The following UBE3C variants were observed in gnomAD, a reference collection of about 807,000 sequenced individuals.
The protein encoded by UBE3C is ubiquitin protein ligase E3C.
Under a neutral mutation model 129.4 loss-of-function variants are expected in UBE3C, and 42 were observed. The observed-to-expected ratio is 0.32, with a 90% CI of 0.25 to 0.42. The LOEUF is 0.42. UBE3C is among the 10% of genes least tolerant of loss of function. UBE3C has a pLI of 1.00. For synonymous variants in UBE3C, 510 were observed against 492.4 expected, an observed-to-expected ratio of 1.04 and a Z score of -0.47; for missense variants, 1,049 against 1,319.1, an observed-to-expected ratio of 0.80 and a Z score of 3.17.
chr7:157,164,447 G>A (rs756550636), intron 2 of UBE3C: 38 of 456,522 alleles, frequency 8.3e-5, no homozygotes, highest in Non-Finnish European at 1.5e-4. Context: ...GAACTGCCTC[G>A]TCTGGCTGAT....
rs77093841 is a variant in UBE3C at position 157,226,813 on chromosome 7, A to C, written c.2233+1274A>C. Among the ~76,000 whole-genome samples the C allele has an allele frequency of 6.3e-3, 955 of 151,314 alleles. 5 individuals carry two copies. The highest frequency in any genetic ancestry group is 0.011 in the Non-Finnish European group (741 of 67,942). Reference sequence around the variant, plus strand: ...TCATCAGCTGAGACCGAGTAAACTTAGGTCTGCATGCAGGCTGTGGCCTCT... The same window carrying C: ...TCATCAGCTGAGACCGAGTAAACTTCGGTCTGCATGCAGGCTGTGGCCTCT... On this transcript the variant is annotated intron_variant, in intron 17 of 22. Transcript: ENST00000348165.
chr7:157,164,247 C>T (rs906375016), intron 2 of UBE3C, among the ~76,000 whole-genome samples: 1 of 151,992 alleles, frequency 6.6e-6, no homozygotes, highest in African/African-American at 2.4e-5. Flanking sequence ...GTAGCCTTGA[C>T]CTCCTGGGCT....
chr7:157,242,864 G>A (rs998574984), intron 18 of UBE3C, among the ~76,000 whole-genome samples: 1 of 152,108 alleles, frequency 6.6e-6, no homozygotes, highest in Non-Finnish European at 1.5e-5. Context: ...AGACCAGCCT[G>A]ACCAACATGG....
At chr7:157,261,311 A>G (rs982056969) in intron 22 of UBE3C, among the ~76,000 whole-genome samples, 955 of 58,486 alleles carry the variant, frequency 0.016, 33 homozygotes, top group Middle Eastern at 0.042. Context: ...TGTCTGAAAA[A>G]AAAAAAAAAA....
At chr7:157,175,266 T>C (rs1016942155) in intron 5 of UBE3C, among the ~76,000 whole-genome samples, 1 of 151,822 alleles carries the variant, frequency 6.6e-6, no homozygotes, top group East Asian at 1.9e-4. Flanking sequence ...GACTTTTTCT[T>C]TCACGGATGC....
At chr7:157,260,323 C>T (rs961779657) in intron 22 of UBE3C, among the ~76,000 whole-genome samples, 37 of 152,194 alleles carry the variant, frequency 2.4e-4, no homozygotes, top group Non-Finnish European at 4.3e-4. Context: ...ACGCTGCCGC[C>T]TACAAGCAAC....
Position 157,231,096 on chromosome 7 carries a change from G to C in UBE3C, c.2250G>C (p.Lys750Asn). Residue 750 changes from lysine (K) to asparagine (N), a missense_variant, in exon 18 of 23, where the codon AAG becomes AAC. Physicochemically the swap from Lys to Asn is moderately conservative, Grantham distance 94. Coordinates refer to ENST00000348165, the MANE Select transcript of UBE3C (RefSeq NM_014671.3). ...TTTTAACAGAGCCTGATTTGAAAAA[G>C]CGGATCCGTGTGCACTTGCTCAATG... Reference protein sequence around the residue: ...LSPENEPDLKKRIRVHLLNAH... With the variant: ...LSPENEPDLKNRIRVHLLNAH... The C allele has an allele frequency of 6.2e-7, 1 of 1,613,330 alleles. No individual in the cohort carries two copies.
rs753765446 is a variant in UBE3C at position 157,187,000 on chromosome 7, G to A, written c.1310G>A (p.Arg437His). 3.7e-6 allele frequency: 6 copies of A among 1,606,746 alleles called. No individual in the cohort carries two copies. In the African/African-American group the frequency reaches 4.0e-5, roughly 11 times the overall value. The part of the protein sequence containing the change: ...SVCHTLMVQH[R>H]MMVPKVRLLY... ...TGCCACACGCTGATGGTGCAGCACC[G>A]CATGATGGTACCCAAAGTCAGGCAA... Residue 437 changes from arginine (R) to histidine (H), a missense_variant, in exon 10 of 23, where the codon CGC (arginine) becomes CAC (histidine). Coordinates refer to ENST00000348165, the MANE Select transcript of UBE3C (RefSeq NM_014671.3).
At position 157,170,358 on chromosome 7, in the gene UBE3C, G is replaced by A. The variant is rs140532774; in HGVS notation, c.250G>A (p.Gly84Ser). 5.1e-6 allele frequency: 8 copies of A among 1,576,514 alleles called. No individual in the cohort carries two copies. The African/African-American group carries it at 1.1e-4, about 22-fold the overall frequency. The change falls in exon 4 of 23, where the codon GGC becomes AGC. Residue 84 changes from glycine (G) to serine (S), a missense_variant. This residue lies in a region of UBE3C where 489 missense variants were observed against 513.8 expected (regional missense o/e 0.95). Transcript: ENST00000348165. The stretch of plus-strand genomic sequence containing the variant: ...CTGTGCTACCTTGTCACAGTCCGGG[G>A]GCGCTTTTCCCATTGCTAATGGCCC... ...DRCATLSQSGGAFPIANGPNL... is the reference protein window; with the variant it reads ...DRCATLSQSGSAFPIANGPNL...
intron 19 of UBE3C, among the ~76,000 whole-genome samples, 190 bp from the exon 20 acceptor site, chr7:157,253,764 C>T (rs994922761): frequency 1.3e-5 from 2 of 152,134 alleles, no homozygotes; most frequent in African/African-American, 4.8e-5. Flanking sequence ...TGCTGGGCTT[C>T]GGAGACTCTT....
intron 1 of UBE3C, among the ~76,000 whole-genome samples, chr7:157,155,205 A>T (rs1030079571): frequency 6.6e-6 from 1 of 152,116 alleles, no homozygotes; most frequent in African/African-American, 2.4e-5. Flanking sequence ...ACACACACAC[A>T]TTGTAGCTTA....
chr7:157,258,843 T>G (rs1240056378), intron 22 of UBE3C, among the ~76,000 whole-genome samples: 2 of 152,222 alleles, frequency 1.3e-5, no homozygotes, highest in Non-Finnish European at 2.9e-5. Context: ...AGAAAAGTTG[T>G]GAGAATTGAC....
intron 10 of UBE3C, among the ~76,000 whole-genome samples, chr7:157,190,473 C>G (rs989255771): frequency 6.6e-6 from 1 of 152,116 alleles, no homozygotes; most frequent in South Asian, 2.1e-4. Context: ...CCTCGGCTAC[C>G]AAAGCCACAT....
intron 1 of UBE3C, among the ~76,000 whole-genome samples, chr7:157,159,658 A>G (rs1483937080): frequency 2.6e-5 from 4 of 152,220 alleles, no homozygotes; most frequent in Admixed American, 2.0e-4. Context: ...ACTTGAGGTC[A>G]GGAGTTTGAG....
chr7:157,145,849 G>C (rs2116794041), intron 1 of UBE3C, among the ~76,000 whole-genome samples: 1 of 152,206 alleles, frequency 6.6e-6, no homozygotes. Flanking sequence ...GCTGCACGCT[G>C]TTTCCTTTGT....
chr7:157,226,343 G>A lies in UBE3C; in HGVS notation c.2233+804G>A, dbSNP rs1795878414. ...AGCTCACTGGCACGTTTCGTCGTAT[G>A]TTCATATTTGATACTCAGTCTTGAA... On this transcript the variant is annotated intron_variant, in intron 17 of 22. Coordinates refer to ENST00000348165, the MANE Select transcript of UBE3C (RefSeq NM_014671.3). 2.0e-5 allele frequency among the ~76,000 whole-genome samples: 3 copies of A among 152,124 alleles called. No homozygotes were observed. The South Asian group carries it at 6.2e-4, about 32-fold the overall frequency.
chr7:157,258,385 G>A (rs1563078021), intron 22 of UBE3C, among the ~76,000 whole-genome samples: 1 of 152,200 alleles, frequency 6.6e-6, no homozygotes, highest in African/African-American at 2.4e-5. Context: ...ATGTAGTAGC[G>A]AGATCCTGTC....
rs1230437685 is a variant in UBE3C, at chr7:157,223,256, G to T, written c.2005G>T (p.Gly669Cys). ...TAAGGTTTTAAAATGTGTTTTAGTG[G>T]GTTTGGAGTCCCCGCCGCTGTCTGT... ...IGPLQSTLDV[G>C]LESPPLSVSE... The change falls in exon 16 of 23, where the codon GGT becomes TGT. Residue 669 changes from glycine to cysteine, a missense_variant and splice_region_variant. Gly to Cys is a radical substitution (Grantham distance 159). Coordinates refer to ENST00000348165, the MANE Select transcript of UBE3C (RefSeq NM_014671.3). 3 of 1,614,016 alleles carry T rather than the reference G, an allele frequency of 1.9e-6. No homozygotes were observed. Among genetic ancestry groups the T allele is most frequent in the Non-Finnish European group, 8.5e-7 (1 of 1,180,012 alleles).
At chr7:157,233,633 A>G (rs139223986) in intron 18 of UBE3C, among the ~76,000 whole-genome samples, 1,558 of 152,320 alleles carry the variant, frequency 0.01, 25 homozygotes, top group African/African-American at 0.035. Flanking sequence ...GTGCATTTGC[A>G]TTGGGAATTT....
Sources: allele counts gnomAD v4.1 joint callset (sites outside exome capture counted in the v4.1 genomes callset), GRCh38; gene constraint gnomAD v4.1.1; regional missense constraint gnomAD v4.1.1; transcripts MANE v1.5; gene names NCBI Gene and HGNC (gene_info 2026-07-23, HGNC 2026-07-21).